NPAS2: variants seen among roughly 807,000 people sequenced by gnomAD.
NPAS2 encodes the protein neuronal PAS domain-containing protein 2.
NPAS2 carries 23 observed loss-of-function variants against 107.5 expected under a neutral mutation model. That is an observed-to-expected ratio of 0.21 (90% CI 0.15 to 0.30). NPAS2 has a LOEUF of 0.30. Among genes scored for constraint, NPAS2 ranks in the 10% least tolerant of loss-of-function variants. NPAS2 has a pLI of 1.00. For synonymous variants in NPAS2, 403 were observed against 417.5 expected, an observed-to-expected ratio of 0.97 and a Z score of 0.42; for missense variants, 756 against 1,043.3, an observed-to-expected ratio of 0.72 and a Z score of 3.79.
chr2:100,932,978 G>T lies in NPAS2; in HGVS notation c.250G>T (p.Glu84Ter). 1 of 1,613,790 alleles carries T rather than the reference G, an allele frequency of 6.2e-7. No individual in the cohort carries two copies. Among genetic ancestry groups the T allele is most frequent in the Non-Finnish European group, 8.5e-7 (1 of 1,179,664 alleles). Reference sequence around the variant, plus strand: ...GAAGCCTTCATTCCTCAGTAATGAAGAATTCACCCAGCTGATGTTGGAGGT... The same window carrying T: ...GAAGCCTTCATTCCTCAGTAATGAATAATTCACCCAGCTGATGTTGGAGGT... ...DWKPSFLSNE[E>*]FTQLMLEALD... Residue 84 changes from glutamate to a stop codon, truncating the protein, a stop_gained, in exon 4 of 21, where the codon GAA becomes TAA. Transcript: ENST00000335681. LOFTEE classifies it high-confidence loss of function.
At chr2:100,833,850 T>A (rs3860456) in intron 1 of NPAS2, among the ~76,000 whole-genome samples, 17,034 of 152,180 alleles carry the variant, frequency 0.11, 1,691 homozygotes, top group East Asian at 0.31. Flanking sequence ...CCACAGTTCT[T>A]AAAGGATCCT....
At chr2:100,955,911 G>C (rs1675540780) in intron 7 of NPAS2, among the ~76,000 whole-genome samples, 1 of 151,974 alleles carries the variant, frequency 6.6e-6, no homozygotes, top group Non-Finnish European at 1.5e-5. Flanking sequence ...TTGTTTGTTT[G>C]TTTGTTTTTT....
At chr2:100,917,483 G>A (rs576121792) in intron 2 of NPAS2, among the ~76,000 whole-genome samples, 5 of 152,108 alleles carry the variant, frequency 3.3e-5, no homozygotes, top group Non-Finnish European at 7.4e-5. Context: ...AGCCGAGATC[G>A]TGCCATTGCA....
chr2:100,883,769 A>T (rs1383951952), intron 1 of NPAS2, among the ~76,000 whole-genome samples: 1 of 152,150 alleles, frequency 6.6e-6, no homozygotes, highest in Non-Finnish European at 1.5e-5. Flanking sequence ...CATAGTTTAC[A>T]AAAGTTACTT....
chr2:100,848,289 T>G (rs970153431), intron 1 of NPAS2, among the ~76,000 whole-genome samples: 1 of 152,218 alleles, frequency 6.6e-6, no homozygotes, highest in African/African-American at 2.4e-5. Flanking sequence ...CAGTTTTTCT[T>G]AGGGTGTGAT....
intron 3 of NPAS2, among the ~76,000 whole-genome samples, chr2:100,929,818 A>C (rs1683824415): frequency 6.6e-6 from 1 of 152,202 alleles, no homozygotes; most frequent in African/African-American, 2.4e-5. Flanking sequence ...TATGAATTTC[A>C]ACATGCTTCC....
At chr2:100,882,256 T>A (rs990781228) in intron 1 of NPAS2, among the ~76,000 whole-genome samples, 8 of 152,122 alleles carry the variant, frequency 5.3e-5, no homozygotes, top group African/African-American at 1.9e-4. Flanking sequence ...TAGAATTGTG[T>A]CATTTGCCAC....
intron 1 of NPAS2, among the ~76,000 whole-genome samples, chr2:100,853,779 C>T (rs1413334573): frequency 6.6e-6 from 1 of 152,036 alleles, no homozygotes; most frequent in African/African-American, 2.4e-5. Context: ...GTTCAGCCTT[C>T]TGGCACACAT....
intron 2 of NPAS2, among the ~76,000 whole-genome samples, chr2:100,922,038 A>G (rs976519782): frequency 6.6e-6 from 1 of 152,214 alleles, no homozygotes; most frequent in Non-Finnish European, 1.5e-5. Context: ...TAAATCAAAA[A>G]GACTGTATAC....
chr2:100,834,030 C>T (rs1054955963), intron 1 of NPAS2, among the ~76,000 whole-genome samples: 1 of 152,138 alleles, frequency 6.6e-6, no homozygotes, highest in Non-Finnish European at 1.5e-5. Context: ...ACGTGGTGCA[C>T]CTTTTCCAGG....
chr2:100,983,104 C>A (rs974723367), intron 16 of NPAS2: 1 of 152,214 alleles, frequency 6.6e-6, no homozygotes, highest in South Asian at 2.1e-4. Flanking sequence ...TCTGACCCAG[C>A]CTTTGATTGT....
chr2:100,986,092 T>C (rs1677760082), intron 16 of NPAS2: 1 of 152,190 alleles, frequency 6.6e-6, no homozygotes, highest in Non-Finnish European at 1.5e-5. Flanking sequence ...GAAACATGAA[T>C]CCTCAAAATG....
chr2:100,846,404 T>C (rs1479442293), intron 1 of NPAS2, among the ~76,000 whole-genome samples: 1 of 152,192 alleles, frequency 6.6e-6, no homozygotes, highest in African/African-American at 2.4e-5. Context: ...GAAGAGGGGA[T>C]GGTTTTAAAA....
intron 1 of NPAS2, among the ~76,000 whole-genome samples, chr2:100,871,606 C>T (rs1247927960): frequency 6.6e-6 from 1 of 152,078 alleles, no homozygotes; most frequent in Non-Finnish European, 1.5e-5. Context: ...GCTAGGATTA[C>T]GGATGTGAGC....
intron 7 of NPAS2, 79 bp downstream of exon 7, chr2:100,949,559 A>G: frequency 1.3e-6 from 1 of 789,698 alleles, no homozygotes; most frequent in Non-Finnish European, 2.2e-6. Flanking sequence ...AGAATCGCCC[A>G]GGGAGGAGGA....
chr2:100,870,913 C>T (rs2104572456), intron 1 of NPAS2, among the ~76,000 whole-genome samples: 2 of 152,304 alleles, frequency 1.3e-5, no homozygotes, highest in East Asian at 3.9e-4. Context: ...CAGCTGTGTG[C>T]CCTCTAGTGG....
intron 1 of NPAS2, among the ~76,000 whole-genome samples, chr2:100,865,304 C>T (rs773065352): frequency 4.4e-4 from 67 of 152,140 alleles, no homozygotes; most frequent in Non-Finnish European, 4.7e-4. Context: ...GGAAGCAGGT[C>T]GTGCTGCCGC....
chr2:100,979,528 T>C (rs866744562), intron 15 of NPAS2, among the ~76,000 whole-genome samples: 3,208 of 107,794 alleles, frequency 0.03, 225 homozygotes, highest in African/African-American at 0.11. Flanking sequence ...TTTTTTTTTT[T>C]CTGAGACGGA....
chr2:100,982,570 C>G (rs1677515003), intron 16 of NPAS2, 193 bp downstream of exon 16: 1 of 635,348 alleles, frequency 1.6e-6, no homozygotes, highest in South Asian at 2.0e-5. Flanking sequence ...TGCCTCCAGG[C>G]CACACCCCTG....
Sources: allele counts gnomAD v4.1 joint callset (sites outside exome capture counted in the v4.1 genomes callset), GRCh38; gene constraint gnomAD v4.1.1; transcripts MANE v1.5; gene names NCBI Gene and HGNC (gene_info 2026-07-23, HGNC 2026-07-21).